The following CDK11B variants were observed in gnomAD, a reference collection of about 807,000 sequenced individuals.
CDK11B encodes cyclin dependent kinase 11B.
A neutral mutation model predicts 84.0 loss-of-function variants in CDK11B; 37 were observed. That is an observed-to-expected ratio of 0.44 (90% confidence interval 0.34 to 0.58). CDK11B has a LOEUF of 0.58. CDK11B is among the 20% of genes least tolerant of loss of function. The pLI is 0.02. For synonymous variants in CDK11B, 269 were observed against 309.8 expected (o/e 0.87, Z 1.38); for missense variants, 427 against 834.0 (o/e 0.51, Z 6.01).
intron 3 of CDK11B, among the ~76,000 whole-genome samples, chr1:1,654,652 CTTTT>C (rs949028740): frequency 1.5e-5 from 2 of 129,254 alleles, no homozygotes; most frequent in Non-Finnish European, 3.6e-5. Context: ...TGTGCAAAAT[CTTTT>C]TTTTCCTTTT....
At chr1:1,655,809 G>C (rs1323927554) in intron 2 of CDK11B, among the ~76,000 whole-genome samples, 1 of 150,964 alleles carries the variant, frequency 6.6e-6, no homozygotes, top group Non-Finnish European at 1.5e-5. Context: ...CTTGAACCCG[G>C]GAGGCGGACA....
chr1:1,650,490 C>A (rs1283660715), intron 4 of CDK11B, among the ~76,000 whole-genome samples: 1 of 149,810 alleles, frequency 6.7e-6, no homozygotes, highest in South Asian at 2.1e-4. Context: ...CTCAGCCTCC[C>A]GAGTAGCTGG....
rs1325714514 is a variant in CDK11B at position 1,650,477 on chromosome 1, T to C, written c.356-840A>G. Among the ~76,000 whole-genome samples the C allele has an allele frequency of 3.2e-3, 482 of 148,692 alleles. 7 individuals are homozygous for C. The highest frequency in any genetic ancestry group is 0.011 in the African/African-American group (454 of 40,402). Reference sequence around the variant, plus strand: ...GCCTCCCGTGTTCACACCATTCTCCTGCCTCAGCCTCCCGAGTAGCTGGTA... The same window carrying C: ...GCCTCCCGTGTTCACACCATTCTCCCGCCTCAGCCTCCCGAGTAGCTGGTA... On this transcript the variant is annotated intron_variant, in intron 4 of 19. Transcript: ENST00000341832.
chr1:1,658,700 AG>A (rs1226412135), intron 1 of CDK11B, among the ~76,000 whole-genome samples: 1 of 148,502 alleles, frequency 6.7e-6, no homozygotes, highest in Non-Finnish European at 1.5e-5. Context: ...CGCACACTTG[AG>A]GTTCAGCCTG....
chr1:1,647,243 C>T (rs1641277113), intron 5 of CDK11B, among the ~76,000 whole-genome samples: 1 of 152,268 alleles, frequency 6.6e-6, no homozygotes, highest in South Asian at 2.1e-4. Context: ...CATCTGGACA[C>T]TCAGACAGTT....
chr1:1,658,213 C>G (rs1390235634), intron 1 of CDK11B, among the ~76,000 whole-genome samples: 1 of 149,880 alleles, frequency 6.7e-6, no homozygotes, highest in Non-Finnish European at 1.5e-5. Flanking sequence ...GGCAAGGTGG[C>G]GAGCGCCTGT....
intron 11 of CDK11B, among the ~76,000 whole-genome samples, chr1:1,638,937 ATTTT>A (rs70937162): frequency 8.4e-6 from 1 of 119,406 alleles, no homozygotes; most frequent in Non-Finnish European, 1.7e-5. Context: ...TCTGTTTTCT[ATTTT>A]TTTTTTTTTT....
At chr1:1,639,559 G>T (rs898439304) in intron 11 of CDK11B, among the ~76,000 whole-genome samples, 6 of 151,934 alleles carry the variant, frequency 3.9e-5, no homozygotes, top group African/African-American at 1.5e-4. Flanking sequence ...GTGTACCTTG[G>T]GGCCGGTGCC....
intron 2 of CDK11B, among the ~76,000 whole-genome samples, chr1:1,656,445 C>T (rs1457011052): frequency 6.6e-6 from 1 of 152,074 alleles, no homozygotes; most frequent in Non-Finnish European, 1.5e-5. Context: ...TAGCTGAGAT[C>T]ATGCCACTGC....
At chr1:1,646,221 T>C (rs1426994336) in intron 5 of CDK11B, 3 of 369,970 alleles carry the variant, frequency 8.1e-6, no homozygotes, top group African/African-American at 4.3e-5. Context: ...ACAGAGACCT[T>C]TCACATGTCA....
At chr1:1,655,614 C>A in intron 2 of CDK11B, 130 bp from the exon 3 acceptor site, 1 of 1,344,468 alleles carries the variant, frequency 7.4e-7, no homozygotes, top group Non-Finnish European at 9.8e-7. Flanking sequence ...TCTGAATGAG[C>A]CAGTGTTATA....
rs183430860 is a variant in CDK11B at position 1,644,985 on chromosome 1, C to A, written c.631+141G>T. 123 of 698,352 alleles carry A rather than the reference C, an allele frequency of 1.8e-4. No homozygotes were observed. In the African/African-American group the frequency reaches 2.2e-3, roughly 12 times the overall value. The allele number at this position is 698,352 out of a possible 1,614,324, so 43.3% of individuals were successfully genotyped here. ...TCCAGCCTGGGGGACAAGAGCAAAA[C>A]TCTGCCTCCAAAAAAAAAAAAAAGG... On this transcript the variant is annotated intron_variant, in intron 6 of 19. Coordinates refer to ENST00000341832, the MANE Select transcript of CDK11B (RefSeq NM_033486.3).
chr1:1,640,975 G>A (rs909564351), intron 10 of CDK11B, 73 bp downstream of exon 10: 11 of 1,595,430 alleles, frequency 6.9e-6, no homozygotes, highest in Admixed American at 5.2e-5. Flanking sequence ...GCGCAGGACC[G>A]GCTGTCTTAG....
At chr1:1,657,301 T>C (rs766253505) in intron 2 of CDK11B, 74 bp downstream of exon 2, 52 of 1,613,296 alleles carry the variant, frequency 3.2e-5, no homozygotes, top group Non-Finnish European at 4.1e-5. Context: ...AGAAGCGTTG[T>C]TCTAATGGAA....
intron 5 of CDK11B, among the ~76,000 whole-genome samples, chr1:1,649,226 A>C (rs1641579492): frequency 6.6e-6 from 1 of 152,074 alleles, no homozygotes; most frequent in Non-Finnish European, 1.5e-5. Flanking sequence ...CAGCCTCCCA[A>C]GTAGCTGGGA....
In CDK11B at chr1:1,636,317, G is replaced by A. The variant is rs1414380096; in HGVS notation, c.2066+16C>T. 1 of 1,554,196 alleles carries A rather than the reference G, an allele frequency of 6.4e-7. No individual in the cohort carries two copies. Among genetic ancestry groups the A allele is most frequent in the Non-Finnish European group, 8.7e-7 (1 of 1,150,228 alleles). On this transcript the variant is annotated intron_variant, in intron 18 of 19. Coordinates refer to ENST00000341832, the MANE Select transcript of CDK11B (RefSeq NM_033486.3). ...ATGGCTCGGGACCTCCCGCCACCCG[G>A]CTGCACTGGGCTCACTTGTTCATGA...
chr1:1,650,265 T>G (rs1641786771), intron 4 of CDK11B, among the ~76,000 whole-genome samples: 2 of 61,074 alleles, frequency 3.3e-5, no homozygotes, highest in Non-Finnish European at 2.9e-5. Context: ...CAAGACTCCG[T>G]CCCAAAAAAA....
chr1:1,637,915 C>A, intron 12 of CDK11B, 32 bp from the exon 13 acceptor site: 1 of 1,612,472 alleles, frequency 6.2e-7, no homozygotes, highest in Non-Finnish European at 8.5e-7. Flanking sequence ...CACTGAGAGG[C>A]ATTCTCAAAG....
intron 5 of CDK11B, among the ~76,000 whole-genome samples, chr1:1,647,546 T>C (rs1570152449): frequency 2.0e-5 from 3 of 152,360 alleles, no homozygotes; most frequent in South Asian, 2.1e-4. Context: ...TCGAGCACAG[T>C]AAGGCTTCCT....
Sources: gnomAD v4.1 joint callset for allele counts (sites outside exome capture counted in the v4.1 genomes callset) on GRCh38, gnomAD v4.1.1 for gene constraint, MANE v1.5 for transcripts, NCBI Gene and HGNC (gene_info 2026-07-23, HGNC 2026-07-21) for gene names.